BMPER: variants seen among roughly 807,000 people sequenced by gnomAD.
The protein encoded by BMPER is BMP binding endothelial regulator, also known as BMP-binding endothelial regulator protein.
In BMPER, 45 loss-of-function variants were observed where a neutral mutation model predicts 87.3. That is an observed-to-expected ratio of 0.52 (90% CI 0.41 to 0.66). The LOEUF (loss-of-function observed/expected upper bound fraction) is 0.66. BMPER is among the 30% of genes least tolerant of loss of function. BMPER has a pLI of 0.00. For synonymous variants in BMPER, 326 were observed against 316.2 expected, an observed-to-expected ratio of 1.03 and a Z score of -0.33; for missense variants, 784 against 867.5, an observed-to-expected ratio of 0.90 and a Z score of 1.21.
At chr7:33,910,813 A>G (rs996358933) in intron 2 of BMPER, among the ~76,000 whole-genome samples, 1 of 152,190 alleles carries the variant, frequency 6.6e-6, no homozygotes, top group African/African-American at 2.4e-5. Context: ...ATATCGCTGA[A>G]CAAGGAGCTC....
chr7:33,912,897 C>T (rs1205719265), intron 2 of BMPER, among the ~76,000 whole-genome samples: 5 of 152,164 alleles, frequency 3.3e-5, no homozygotes, highest in Admixed American at 3.3e-4. Context: ...TTCTTTCTTC[C>T]TTCTTTCCAC....
At chr7:33,974,574 G>C (rs1785635575) in intron 5 of BMPER, 128 bp from the exon 6 acceptor site, 2 of 923,362 alleles carry the variant, frequency 2.2e-6, no homozygotes, top group Admixed American at 3.6e-5. Flanking sequence ...CAGCAATCTT[G>C]TCCACTGGTT....
intron 6 of BMPER, among the ~76,000 whole-genome samples, chr7:34,002,801 T>C (rs1397528271): frequency 4.0e-5 from 6 of 151,804 alleles, no homozygotes; most frequent in Non-Finnish European, 7.4e-5. Flanking sequence ...TTAAAGACTT[T>C]TTTGTTTGAT....
intron 2 of BMPER, among the ~76,000 whole-genome samples, chr7:33,922,411 C>T (rs1296518784): frequency 6.6e-6 from 1 of 152,238 alleles, no homozygotes; most frequent in African/African-American, 2.4e-5. Flanking sequence ...TTACAGCAGG[C>T]TGGCTGTTCC....
intron 3 of BMPER, among the ~76,000 whole-genome samples, chr7:33,947,404 A>G (rs1382182827): frequency 6.6e-6 from 1 of 152,168 alleles, no homozygotes; most frequent in Non-Finnish European, 1.5e-5. Context: ...GAAGGATTGA[A>G]AAAAAAGTCT....
chr7:34,058,168 G>A lies in BMPER; in HGVS notation c.1032+5G>A. 1.2e-6 allele frequency: 2 copies of A among 1,612,234 alleles called. No homozygotes were observed. Among genetic ancestry groups the A allele is most frequent in the Non-Finnish European group, 1.7e-6 (2 of 1,178,318 alleles). ...CCCATCAGTAGCTGCCCACAGGTAT[G>A]TTTGGAACACAGATTGACTTTACCT... is the stretch of plus-strand genomic sequence containing the variant. On this transcript the variant is annotated splice_donor_5th_base_variant and intron_variant, in intron 10 of 14. Coordinates refer to ENST00000649409, the MANE Select transcript of BMPER (RefSeq NM_001365308.1).
intron 4 of BMPER, among the ~76,000 whole-genome samples, chr7:33,969,020 A>G (rs1326286122): frequency 6.6e-6 from 1 of 152,156 alleles, no homozygotes; most frequent in Non-Finnish European, 1.5e-5. Flanking sequence ...CTAGTACTTT[A>G]GTTGTTTTAT....
chr7:33,969,620 C>T lies in BMPER; in HGVS notation c.403-709C>T, dbSNP rs187537091. On this transcript the variant is annotated intron_variant, in intron 4 of 14. Coordinates refer to ENST00000649409, the MANE Select transcript of BMPER (RefSeq NM_001365308.1). ...TTCACTGTGTTAGCCAGGATGGTCT[C>T]GATCTCCTGACTTCGTGATCCGCCC... 6.3e-3 allele frequency among the ~76,000 whole-genome samples: 963 copies of T among 152,268 alleles called. 23 individuals carry two copies. In the East Asian group the frequency reaches 0.069, roughly 11 times the overall value.
intron 3 of BMPER, among the ~76,000 whole-genome samples, chr7:33,946,636 T>C (rs2128612117): frequency 6.6e-6 from 1 of 152,334 alleles, no homozygotes. Flanking sequence ...AGTTTTTGTT[T>C]GTTTGTTGAT....
At chr7:34,112,840 C>CATA (rs1256743588) in intron 13 of BMPER, among the ~76,000 whole-genome samples, 1 of 151,808 alleles carries the variant, frequency 6.6e-6, no homozygotes, top group Non-Finnish European at 1.5e-5. Flanking sequence ...TTAATATGAA[C>CATA]ATAGATACAA....
chr7:34,151,420 A>G (rs559463808), intron 14 of BMPER, among the ~76,000 whole-genome samples: 2 of 152,320 alleles, frequency 1.3e-5, no homozygotes, highest in African/African-American at 4.8e-5. Context: ...GATGTCAGGT[A>G]GTAGTATGTG....
At chr7:33,952,606 A>T (rs1331665068) in intron 3 of BMPER, among the ~76,000 whole-genome samples, 1 of 152,194 alleles carries the variant, frequency 6.6e-6, no homozygotes, top group Non-Finnish European at 1.5e-5. Flanking sequence ...TCTGAAACTG[A>T]AAGTATGTCC....
rs118020178 is a variant in BMPER at position 33,910,567 on chromosome 7, C to T, written c.219+3664C>T. Among the ~76,000 whole-genome samples the T allele has an allele frequency of 5.3e-5, 8 of 152,168 alleles. No individual in the cohort carries two copies. The South Asian group carries it at 1.4e-3, about 28-fold the overall frequency. On this transcript the variant is annotated intron_variant, in intron 2 of 14. Transcript: ENST00000649409. ...TTTGGAGGCTGGGACTCAGAAAACC[C>T]GAAGTCAGAGCTTAGTTTGGCGTAC...
At chr7:34,152,281 C>T (rs924465323) in intron 14 of BMPER, among the ~76,000 whole-genome samples, 10 of 152,152 alleles carry the variant, frequency 6.6e-5, no homozygotes, top group African/African-American at 2.4e-4. Context: ...GTCAACATTC[C>T]TATTCTTGAG....
chr7:33,933,317 A>G (rs539632500), intron 2 of BMPER, among the ~76,000 whole-genome samples: 50 of 152,316 alleles, frequency 3.3e-4, no homozygotes, highest in Admixed American at 2.6e-3. Context: ...GAAAGAAGGC[A>G]GTAATGCAGA....
At chr7:33,931,639 C>A (rs1484841310) in intron 2 of BMPER, among the ~76,000 whole-genome samples, 1 of 152,168 alleles carries the variant, frequency 6.6e-6, no homozygotes, top group East Asian at 1.9e-4. Context: ...GAAGTTGACT[C>A]TTTGACTTCA....
chr7:33,923,884 C>A (rs530733027), intron 2 of BMPER, among the ~76,000 whole-genome samples: 1 of 152,138 alleles, frequency 6.6e-6, no homozygotes, highest in Non-Finnish European at 1.5e-5. Context: ...TCAGCCAAGA[C>A]GTTTTCTCTA....
At chr7:34,051,384 C>T (rs1788142855) in intron 7 of BMPER, among the ~76,000 whole-genome samples, 1 of 152,138 alleles carries the variant, frequency 6.6e-6, no homozygotes, top group Non-Finnish European at 1.5e-5. Context: ...TCCCCCACTG[C>T]CCATACCCAA....
chr7:34,028,751 G>A (rs1585752975), intron 6 of BMPER, among the ~76,000 whole-genome samples: 1 of 151,646 alleles, frequency 6.6e-6, no homozygotes, highest in East Asian at 2.0e-4. Context: ...CTAGGAGGAG[G>A]CACTAACCGT....
Sources: allele counts gnomAD v4.1 joint callset (sites outside exome capture counted in the v4.1 genomes callset), GRCh38; gene constraint gnomAD v4.1.1; transcripts MANE v1.5; gene names NCBI Gene and HGNC (gene_info 2026-07-23, HGNC 2026-07-21).